Variants in GRM7 observed in about 807,000 individuals in gnomAD.
GRM7 encodes the protein metabotropic glutamate receptor 7.
Under a neutral mutation model 84.5 loss-of-function variants are expected in GRM7, and 35 were observed. That is an observed-to-expected ratio of 0.41 (90% CI 0.32 to 0.55). The LOEUF (loss-of-function observed/expected upper bound fraction) is 0.55, where lower values mean the gene tolerates loss of function less well. Ranked by LOEUF, GRM7 falls within the 20% of genes least tolerant of loss-of-function variation. The pLI is 0.19. For synonymous variants in GRM7, 487 were observed against 455.1 expected (o/e 1.07, Z -0.89); for missense variants, 1,003 against 1,194.6 (o/e 0.84, Z 2.36).
chr3:7,123,750 C>T (rs1451669418), intron 1 of GRM7, among the ~76,000 whole-genome samples: 3 of 152,146 alleles, frequency 2.0e-5, no homozygotes, highest in Non-Finnish European at 2.9e-5. Flanking sequence ...TGGAGGTCAA[C>T]GCTTCCTGGA....
intron 2 of GRM7, among the ~76,000 whole-genome samples, chr3:7,266,026 G>A (rs923555377): frequency 6.6e-6 from 1 of 152,122 alleles, no homozygotes; most frequent in Non-Finnish European, 1.5e-5. Context: ...CAGGGGAGAT[G>A]TATGAGCCTG....
intron 1 of GRM7, among the ~76,000 whole-genome samples, chr3:7,083,712 G>A (rs1183313542): frequency 2.0e-5 from 3 of 152,114 alleles, no homozygotes. Context: ...CTCTGTTCTT[G>A]TGATATTTTC....
At chr3:6,942,644 A>G (rs1697931792) in intron 1 of GRM7, among the ~76,000 whole-genome samples, 2 of 152,126 alleles carry the variant, frequency 1.3e-5, no homozygotes, top group Non-Finnish European at 2.9e-5. Flanking sequence ...ATGGGAATTT[A>G]GGTTATTGCC....
chr3:7,684,319 T>C (rs774167767), intron 9 of GRM7, among the ~76,000 whole-genome samples: 19 of 152,208 alleles, frequency 1.2e-4, no homozygotes, highest in Non-Finnish European at 1.6e-4. Context: ...GTCTCTCCAG[T>C]GGGCAAATTC....
chr3:7,392,911 G>A (rs1695057206), intron 4 of GRM7, among the ~76,000 whole-genome samples: 1 of 152,156 alleles, frequency 6.6e-6, no homozygotes, highest in Admixed American at 6.5e-5. Context: ...CATATACGGG[G>A]TAGCCAGGTT....
intron 7 of GRM7, among the ~76,000 whole-genome samples, chr3:7,478,103 C>G (rs1333492626): frequency 2.0e-5 from 3 of 151,994 alleles, no homozygotes; most frequent in Admixed American, 2.0e-4. Context: ...CTTGGCTGTC[C>G]TTGTTTCTCT....
chr3:7,345,539 C>A (rs936587616), intron 4 of GRM7, among the ~76,000 whole-genome samples: 4 of 152,126 alleles, frequency 2.6e-5, no homozygotes, highest in Admixed American at 2.6e-4. Flanking sequence ...CAGCCTTGGC[C>A]TCCCAAAGTG....
At chr3:7,217,983 A>G (rs1350159375) in intron 2 of GRM7, among the ~76,000 whole-genome samples, 1 of 152,030 alleles carries the variant, frequency 6.6e-6, no homozygotes, top group Admixed American at 6.6e-5. Context: ...TTAGTATATG[A>G]TAGTGTTACA....
rs55732650 is a variant in GRM7 at position 7,176,229 on chromosome 3, TAAAAAAAAAAAAA to T, written c.736+29582_736+29594del. On this transcript the variant is annotated intron_variant, in intron 2 of 9. Transcript: ENST00000357716. ...AAGGAGACCTCATCTCTATAAAAAG[TAAAAAAAAAAAAA>T]AAAAAAAAAAAAAAAAAAAATAGCT... Among the ~76,000 whole-genome samples, 156 of 63,144 alleles carry T rather than the reference TAAAAAAAAAAAAA, an allele frequency of 2.5e-3. 1 individual carries two copies. Among genetic ancestry groups the T allele is most frequent in the Middle Eastern group, 0.014 (1 of 72 alleles). 41.4% of individuals were successfully genotyped at this position (63,144 alleles called of 152,430 possible).
At chr3:7,331,927 G>C (rs900063231) in intron 4 of GRM7, among the ~76,000 whole-genome samples, 3 of 152,148 alleles carry the variant, frequency 2.0e-5, no homozygotes, top group African/African-American at 2.4e-5. Context: ...TAATTATATT[G>C]AGCGTGTCTG....
chr3:6,971,025 AGAT>A (rs1164167773), intron 1 of GRM7, among the ~76,000 whole-genome samples: 4 of 150,552 alleles, frequency 2.7e-5, no homozygotes, highest in Admixed American at 6.6e-5. Flanking sequence ...ACCGAGAGAG[AGAT>A]GATGGCAGCT....
At chr3:7,136,352 C>G (rs1304643707) in intron 1 of GRM7, among the ~76,000 whole-genome samples, 1 of 151,714 alleles carries the variant, frequency 6.6e-6, no homozygotes, top group East Asian at 1.9e-4. Context: ...AATGACAAAT[C>G]CTAGTTATGT....
At chr3:7,374,508 C>T (rs1382166318) in intron 4 of GRM7, among the ~76,000 whole-genome samples, 1 of 151,788 alleles carries the variant, frequency 6.6e-6, no homozygotes, top group African/African-American at 2.4e-5. Flanking sequence ...GATGGAGTTT[C>T]ATTCTTGTTG....
At chr3:7,255,787 A>G (rs1698173133) in intron 2 of GRM7, among the ~76,000 whole-genome samples, 1 of 152,184 alleles carries the variant, frequency 6.6e-6, no homozygotes, top group South Asian at 2.1e-4. Flanking sequence ...GATTCCACAA[A>G]GCACACTAAC....
At chr3:6,886,608 C>G (rs770295476) in intron 1 of GRM7, among the ~76,000 whole-genome samples, 2 of 151,830 alleles carry the variant, frequency 1.3e-5, no homozygotes, top group Non-Finnish European at 2.9e-5. Flanking sequence ...CTTCATATTC[C>G]TCATGATTTT....
intron 1 of GRM7, among the ~76,000 whole-genome samples, chr3:7,145,534 A>G (rs894131818): frequency 4.6e-5 from 7 of 152,152 alleles, no homozygotes; most frequent in African/African-American, 1.7e-4. Flanking sequence ...TAATTTAGCA[A>G]AGTAGATGTG....
At chr3:7,315,772 T>C (rs1487513849) in intron 4 of GRM7, among the ~76,000 whole-genome samples, 1 of 152,132 alleles carries the variant, frequency 6.6e-6, no homozygotes, top group African/African-American at 2.4e-5. Flanking sequence ...CTTGATTTAA[T>C]GTTCACTTGG....
chr3:6,967,700 A>C (rs1693582617), intron 1 of GRM7, among the ~76,000 whole-genome samples: 1 of 152,222 alleles, frequency 6.6e-6, no homozygotes, highest in Admixed American at 6.5e-5. Flanking sequence ...TACAGAACAA[A>C]TATAAAACAA....
At chr3:7,572,610 G>C (rs575548710) in intron 7 of GRM7, among the ~76,000 whole-genome samples, 8 of 151,442 alleles carry the variant, frequency 5.3e-5, no homozygotes, top group Admixed American at 6.6e-5. Flanking sequence ...ACAAGGTCAG[G>C]AGATCGAGAT....
Sources: allele counts gnomAD v4.1 joint callset (sites outside exome capture counted in the v4.1 genomes callset), GRCh38; gene constraint gnomAD v4.1.1; transcripts MANE v1.5; gene names NCBI Gene and HGNC (gene_info 2026-07-23, HGNC 2026-07-21).